The following MPP2 variants were observed in gnomAD, a reference collection of about 807,000 sequenced individuals.
The protein encoded by MPP2 is MAGUK p55 scaffold protein 2, also known as MAGUK p55 subfamily member 2.
MPP2 carries 42 observed loss-of-function variants against 58.5 expected under a neutral mutation model. That is an observed-to-expected ratio of 0.72 (90% confidence interval 0.56 to 0.93). The LOEUF (loss-of-function observed/expected upper bound fraction) is 0.93. Among genes scored for constraint, MPP2 ranks in the 40% least tolerant of loss-of-function variants. The pLI is 0.00. For synonymous variants in MPP2, 300 were observed against 307.8 expected (o/e 0.97, Z 0.26); for missense variants, 632 against 760.4 (o/e 0.83, Z 1.99).
rs116337312 is a variant in MPP2, at chr17:43,904,421, C to A, written c.31+9G>T. On this transcript the variant is annotated intron_variant, in intron 2 of 12. Transcript: ENST00000269095. ...CTGAAATAAGCTAACATCCTCACCC[C>A]CTTCTTACCAGTTTCAGAGTTGGTG... 986 of 1,613,774 alleles carry A rather than the reference C, an allele frequency of 6.1e-4. 8 individuals carry two copies. In the African/African-American group the frequency reaches 0.012, roughly 19 times the overall value.
chr17:43,899,122 CT>C (rs1487924778), intron 2 of MPP2, among the ~76,000 whole-genome samples: 1 of 152,138 alleles, frequency 6.6e-6, no homozygotes, highest in Non-Finnish European at 1.5e-5. Context: ...TGGCAGGCGC[CT>C]GTAATCCCAG....
chr17:43,909,623 G>C, upstream of MPP2: 2 of 1,466,130 alleles, frequency 1.4e-6, no homozygotes, highest in South Asian at 1.4e-5. Context: ...GGCCCACCTG[G>C]GGAGGTGGAG....
At chr17:43,899,531 C>T (rs2143753619) in intron 2 of MPP2, among the ~76,000 whole-genome samples, 1 of 152,276 alleles carries the variant, frequency 6.6e-6, no homozygotes, top group African/African-American at 2.4e-5. Context: ...ATGGATTGGG[C>T]TAGATGATGT....
Position 43,900,556 on chromosome 17 carries a change from G to T in MPP2, c.32-2176C>A, listed in dbSNP as rs542911291. On this transcript the variant is annotated intron_variant, in intron 2 of 12. Transcript: ENST00000269095. Reference sequence around the variant, plus strand: ...CGCTGCCTGGGCTGCCTGCCATGGCGGCCCCCAGACCCGGGGACTCCCGGA... The same window carrying T: ...CGCTGCCTGGGCTGCCTGCCATGGCTGCCCCCAGACCCGGGGACTCCCGGA... The T allele has an allele frequency of 6.9e-5, 107 of 1,544,706 alleles. No homozygotes were observed. In the South Asian group the frequency reaches 1.2e-3, roughly 18 times the overall value.
rs185479897 is a variant in MPP2, at chr17:43,877,794, C to T, written c.*13G>A. 80 of 1,608,448 alleles carry T rather than the reference C, an allele frequency of 5.0e-5. No homozygotes were observed. In the African/African-American group the frequency reaches 8.1e-4, roughly 16 times the overall value. On this transcript the variant is annotated 3_prime_UTR_variant, in exon 13 of 13. Coordinates refer to ENST00000269095, the MANE Select transcript of MPP2 (RefSeq NM_005374.5). The stretch of plus-strand genomic sequence containing the variant: ...TTTCAACACAGAGTGAGCCAAAGAC[C>T]AGGTGAACAGGCTCAGTACACCCAG...
At chr17:43,883,703 C>G (rs7215339) in intron 3 of MPP2, among the ~76,000 whole-genome samples, 2,145 of 151,528 alleles carry the variant, frequency 0.014, 51 homozygotes, top group African/African-American at 0.05. Context: ...CACCAGACAT[C>G]ATGGTTGGGT....
intron 2 of MPP2, chr17:43,900,438 T>G: frequency 6.5e-7 from 1 of 1,545,684 alleles, no homozygotes; most frequent in Non-Finnish European, 8.7e-7. Context: ...AGGGGCCAGC[T>G]GCCCCGCCCC....
intron 3 of MPP2, among the ~76,000 whole-genome samples, chr17:43,886,598 T>A (rs1014521674): frequency 6.6e-5 from 10 of 152,178 alleles, no homozygotes; most frequent in Admixed American, 6.5e-4. Context: ...TTCCTAGAAG[T>A]CTTGCTGGGT....
chr17:43,906,112 C>G, intron 1 of MPP2: 1 of 985,174 alleles, frequency 1.0e-6, no homozygotes, highest in Non-Finnish European at 1.2e-6. Flanking sequence ...GCTGCTCTCC[C>G]TCACAGGGTC....
intron 3 of MPP2, among the ~76,000 whole-genome samples, chr17:43,887,784 A>T (rs116218103): frequency 0.017 from 2,244 of 134,832 alleles, 54 homozygotes; most frequent in African/African-American, 0.055. Context: ...TTTTTTAATT[A>T]AAAAAATTCA....
chr17:43,886,488 G>A (rs865796980), intron 3 of MPP2, among the ~76,000 whole-genome samples: 15 of 152,260 alleles, frequency 9.9e-5, no homozygotes, highest in South Asian at 2.1e-4. Context: ...GTCTCCATGG[G>A]TATTTAGGTT....
chr17:43,894,240 A>T (rs2047725775), intron 3 of MPP2, among the ~76,000 whole-genome samples: 2 of 151,716 alleles, frequency 1.3e-5, no homozygotes, highest in South Asian at 4.2e-4. Context: ...AACATGGTGA[A>T]ACCCCATCTC....
In MPP2 at chr17:43,877,181, C is replaced by T. The variant is rs1028921731; in HGVS notation, c.*626G>A. 1 of 152,948 alleles carries T rather than the reference C, an allele frequency of 6.5e-6. No homozygotes were observed. The highest frequency in any genetic ancestry group is 1.5e-5 in the Non-Finnish European group (1 of 68,224). The allele number at this position is 152,948 out of a possible 1,614,324, so 9.5% of individuals were successfully genotyped here. ...ACCGAGCAGCATCTGCCCTGCGACCCTGTCCCTTTCCAAAGGAGCTGGGAG... is the reference window on the plus strand; with the variant it reads ...ACCGAGCAGCATCTGCCCTGCGACCTTGTCCCTTTCCAAAGGAGCTGGGAG... On this transcript the variant is annotated 3_prime_UTR_variant, in exon 13 of 13. Transcript: ENST00000269095.
intron 3 of MPP2, among the ~76,000 whole-genome samples, chr17:43,895,585 G>A (rs1315342208): frequency 6.6e-6 from 1 of 152,104 alleles, no homozygotes; most frequent in African/African-American, 2.4e-5. Context: ...GTAGGCTCTG[G>A]GGATACTGCA....
chr17:43,882,253 C>T, intron 6 of MPP2, 31 bp downstream of exon 6: 2 of 1,580,400 alleles, frequency 1.3e-6, no homozygotes, highest in Non-Finnish European at 1.7e-6. Flanking sequence ...CTCAGCCATC[C>T]CTTGGGCCTT....
intron 3 of MPP2, among the ~76,000 whole-genome samples, chr17:43,893,923 T>C (rs1327173105): frequency 2.0e-5 from 3 of 152,126 alleles, no homozygotes; most frequent in African/African-American, 7.2e-5. Flanking sequence ...TTGTATGAAA[T>C]AGAAATCTCA....
Position 43,895,320 on chromosome 17 carries a change from C to T in MPP2, c.150+2942G>A, listed in dbSNP as rs116565247. ...AGAGACAGGATTTCACCATGTTGATCAGGCTGGTCTTGAAATCCTGAGCTC... is the reference window on the plus strand; with the variant it reads ...AGAGACAGGATTTCACCATGTTGATTAGGCTGGTCTTGAAATCCTGAGCTC... On this transcript the variant is annotated intron_variant, in intron 3 of 12. Coordinates refer to ENST00000269095, the MANE Select transcript of MPP2 (RefSeq NM_005374.5). Among the ~76,000 whole-genome samples, 246 of 152,196 alleles carry T rather than the reference C, an allele frequency of 1.6e-3. 1 individual carries two copies. Among genetic ancestry groups the T allele is most frequent in the African/African-American group, 5.4e-3 (225 of 41,532 alleles).
rs1185846237 is a variant in MPP2 at position 43,881,334 on chromosome 17, C to T, written c.829G>A (p.Gly277Arg). Residue 277 changes from glycine to arginine, a missense_variant, in exon 8 of 13, where the codon GGG becomes AGG. Physicochemically the swap from Gly to Arg is moderately radical, Grantham distance 125. Coordinates refer to ENST00000269095, the MANE Select transcript of MPP2 (RefSeq NM_005374.5). ...ANWWQACHVE[G>R]GSAGLIPSQL... is the part of the protein sequence containing the mutation. The stretch of plus-strand genomic sequence containing the variant: ...CTGGGAATGAGCCCAGCACTGCCCC[C>T]TTCGACATGGCATGCCTAAAACGGA... The T allele has an allele frequency of 6.2e-7, 1 of 1,614,136 alleles. No individual in the cohort carries two copies. The highest frequency in any genetic ancestry group is 8.5e-7 in the Non-Finnish European group (1 of 1,180,010).
chr17:43,907,725 TGCTGGAGTCCC>T (rs989584950), upstream of MPP2: 13 of 985,552 alleles, frequency 1.3e-5, no homozygotes, highest in Non-Finnish European at 1.6e-5. Context: ...CACGACGCCC[TGCTGGAGTCCC>T]ACTGGGAAGG....
Sources: allele counts gnomAD v4.1 joint callset (sites outside exome capture counted in the v4.1 genomes callset), GRCh38; gene constraint gnomAD v4.1.1; transcripts MANE v1.5; gene names NCBI Gene and HGNC (gene_info 2026-07-23, HGNC 2026-07-21).